The following RASGRF2 variants were observed in gnomAD, a reference collection of about 807,000 sequenced individuals.
RASGRF2 encodes the protein ras-specific guanine nucleotide-releasing factor 2.
A neutral mutation model predicts 151.0 loss-of-function variants in RASGRF2; 76 were observed. The ratio of observed to expected loss-of-function variants is 0.50; its 90% CI spans 0.42 to 0.61. RASGRF2 has a LOEUF of 0.61. Ranked by LOEUF, RASGRF2 falls within the 20% of genes least tolerant of loss-of-function variation. The pLI, the probability that RASGRF2 is intolerant of heterozygous loss-of-function variation, is 0.00. For missense variants in RASGRF2, 1,148 were observed against 1,564.6 expected, an observed-to-expected ratio of 0.73 and a Z score of 4.49; for synonymous variants, 504 against 566.5, an observed-to-expected ratio of 0.89 and a Z score of 1.57.
intron 18 of RASGRF2, among the ~76,000 whole-genome samples, chr5:81,196,056 C>T (rs1224953348): frequency 6.6e-6 from 1 of 152,172 alleles, no homozygotes; most frequent in Non-Finnish European, 1.5e-5. Context: ...GTCAGGAGTT[C>T]GAGACCAGCC....
Position 81,182,994 on chromosome 5 carries a change from G to T in RASGRF2, c.2793+2713G>T, listed in dbSNP as rs113388015. Among the ~76,000 whole-genome samples the T allele has an allele frequency of 2.2e-3, 328 of 152,332 alleles. 3 individuals are homozygous for T. The highest frequency in any genetic ancestry group is 3.1e-3 in the Non-Finnish European group (210 of 68,024). ...ATAAAGCGAAGGGCTTGGATACGAT[G>T]ATTTTTAATTATCTGATTCACTTTG... On this transcript the variant is annotated intron_variant, in intron 18 of 26. Coordinates refer to ENST00000265080, the MANE Select transcript of RASGRF2 (RefSeq NM_006909.3).
intron 1 of RASGRF2, among the ~76,000 whole-genome samples, chr5:81,036,868 A>G (rs1750516210): frequency 6.6e-6 from 1 of 152,144 alleles, no homozygotes; most frequent in Non-Finnish European, 1.5e-5. Context: ...GAATACATAC[A>G]AGGACTTCCT....
intron 17 of RASGRF2, among the ~76,000 whole-genome samples, chr5:81,162,625 C>T (rs761359951): frequency 2.0e-5 from 3 of 152,246 alleles, no homozygotes; most frequent in East Asian, 1.9e-4. Context: ...GGATTACAGG[C>T]GTGAGCCAGC....
At chr5:80,982,543 T>G (rs1748335177) in intron 1 of RASGRF2, among the ~76,000 whole-genome samples, 1 of 146,938 alleles carries the variant, frequency 6.8e-6, no homozygotes, top group Admixed American at 6.8e-5. Flanking sequence ...GATAGAGCTG[T>G]GTGGCTGGGG....
At position 81,192,544 on chromosome 5, in the gene RASGRF2, G is replaced by A. The variant is rs571876200; in HGVS notation, c.2794-8786G>A. 2.0e-3 allele frequency among the ~76,000 whole-genome samples: 300 copies of A among 152,328 alleles called. 3 individuals carry two copies. Among genetic ancestry groups the A allele is most frequent in the African/African-American group, 6.5e-3 (269 of 41,566 alleles). ...CCTGTTGCCCCAAGGTGGCGCCGAC[G>A]CAGGCAGGCCAGCGGTGGTGGCCGG... On this transcript the variant is annotated intron_variant, in intron 18 of 26. Coordinates refer to ENST00000265080, the MANE Select transcript of RASGRF2 (RefSeq NM_006909.3).
rs1324998890 is a variant in RASGRF2 at position 81,123,756 on chromosome 5, G to A, written c.2585G>A (p.Arg862Gln). ...TCAACTCCTCGGCACCTCCGCTATC[G>A]ACAGCCTGGAGGTAAGAGCTCAAGA... ...SPSTPRHLRYRQPGGQTADNA... is the reference protein window; with the variant it reads ...SPSTPRHLRYQQPGGQTADNA... The change falls in exon 16 of 27, where the codon CGA (arginine) becomes CAA (glutamine). Residue 862 changes from arginine (R) to glutamine (Q), a missense_variant. Arg to Gln is a conservative substitution (Grantham distance 43, BLOSUM62 1). Coordinates refer to ENST00000265080, the MANE Select transcript of RASGRF2 (RefSeq NM_006909.3). 5.0e-6 allele frequency: 8 copies of A among 1,613,610 alleles called. No individual in the cohort carries two copies. Among genetic ancestry groups the A allele is most frequent in the East Asian group, 2.2e-5 (1 of 44,878 alleles).
At chr5:81,116,852 A>G (rs1320313262) in intron 15 of RASGRF2, among the ~76,000 whole-genome samples, 1 of 152,224 alleles carries the variant, frequency 6.6e-6, no homozygotes, top group Admixed American at 6.5e-5. Flanking sequence ...ACCATATGAT[A>G]GCATGTGATA....
intron 17 of RASGRF2, among the ~76,000 whole-genome samples, chr5:81,136,950 C>T (rs754055466): frequency 1.3e-5 from 2 of 151,898 alleles, no homozygotes; most frequent in Non-Finnish European, 2.9e-5. Flanking sequence ...TTATGTCTAG[C>T]ATTTTCCTTT....
chr5:81,073,436 A>T lies in RASGRF2; in HGVS notation c.871A>T (p.Ser291Cys). ...KPPISHDDVS[S>C]IFLNSETIMF... ...CCCCATCAGCCACGACGACGTCAGC[A>T]GTATTTTTCTTAACAGGTTTGACAT... The change falls in exon 5 of 27, where the codon AGT becomes TGT. Residue 291 changes from serine (S) to cysteine (C), a missense_variant. Ser to Cys is a moderately radical substitution (Grantham distance 112). This residue lies in a region of RASGRF2 where 176 missense variants were observed against 309.6 expected (regional missense o/e 0.57). Transcript: ENST00000265080. The T allele has an allele frequency of 6.2e-7, 1 of 1,614,110 alleles. No individual in the cohort carries two copies. The highest frequency in any genetic ancestry group is 8.5e-7 in the Non-Finnish European group (1 of 1,180,018).
chr5:81,173,502 A>G (rs1247649178), intron 17 of RASGRF2, among the ~76,000 whole-genome samples: 1 of 152,224 alleles, frequency 6.6e-6, no homozygotes, highest in Admixed American at 6.5e-5. Context: ...CCTAACTGTT[A>G]TCCTAACTCA....
chr5:81,182,516 T>A (rs892970989), intron 18 of RASGRF2, among the ~76,000 whole-genome samples: 6 of 152,212 alleles, frequency 3.9e-5, no homozygotes, highest in African/African-American at 1.4e-4. Context: ...TTTTGCTGGC[T>A]TTAGTGTCCA....
intron 17 of RASGRF2, among the ~76,000 whole-genome samples, chr5:81,178,588 G>A (rs1754836021): frequency 6.6e-6 from 1 of 152,134 alleles, no homozygotes; most frequent in Non-Finnish European, 1.5e-5. Flanking sequence ...GATTTCCTAG[G>A]GAGCGATTAT....
intron 1 of RASGRF2, among the ~76,000 whole-genome samples, chr5:80,977,219 C>T (rs1748148456): frequency 1.3e-5 from 2 of 152,112 alleles, no homozygotes; most frequent in African/African-American, 4.8e-5. Flanking sequence ...CGGAAGGAGC[C>T]ATGGCATTCC....
At position 81,070,594 on chromosome 5, in the gene RASGRF2, G is replaced by A; in HGVS notation, c.633+13G>A. On this transcript the variant is annotated intron_variant, in intron 4 of 26. Coordinates refer to ENST00000265080, the MANE Select transcript of RASGRF2 (RefSeq NM_006909.3). Reference sequence around the variant, plus strand: ...GAAGATTAAAAAGGTAGGGCCTGGAGGTTTCCAGCTTTGTAGGAGCATGGT... The same window carrying A: ...GAAGATTAAAAAGGTAGGGCCTGGAAGTTTCCAGCTTTGTAGGAGCATGGT... The A allele has an allele frequency of 6.3e-7, 1 of 1,577,914 alleles. No individual in the cohort carries two copies. Among genetic ancestry groups the A allele is most frequent in the Middle Eastern group, 1.7e-4 (1 of 5,986 alleles).
chr5:81,033,664 C>G (rs561824965), intron 1 of RASGRF2, among the ~76,000 whole-genome samples: 2 of 152,030 alleles, frequency 1.3e-5, no homozygotes, highest in South Asian at 4.2e-4. Context: ...GGATTAAAGA[C>G]TTAAATGTTA....
intron 12 of RASGRF2, among the ~76,000 whole-genome samples, chr5:81,107,315 T>C (rs1046417072): frequency 6.6e-6 from 1 of 152,098 alleles, no homozygotes; most frequent in African/African-American, 2.4e-5. Context: ...TGAGCTATGA[T>C]TGTGTCACTG....
At chr5:81,099,211 G>A (rs1752627440) in intron 12 of RASGRF2, among the ~76,000 whole-genome samples, 1 of 152,122 alleles carries the variant, frequency 6.6e-6, no homozygotes, top group South Asian at 2.1e-4. Flanking sequence ...TGTACAGTTT[G>A]CCTCTCAGTG....
chr5:81,018,040 CA>C (rs1749698209), intron 1 of RASGRF2, among the ~76,000 whole-genome samples: 1 of 151,810 alleles, frequency 6.6e-6, no homozygotes, highest in African/African-American at 2.4e-5. Context: ...ACCTGGGAGG[CA>C]GCAGTTGCAG....
At chr5:81,111,195 G>A (rs1392495643) in intron 13 of RASGRF2, among the ~76,000 whole-genome samples, 1 of 152,174 alleles carries the variant, frequency 6.6e-6, no homozygotes, top group Non-Finnish European at 1.5e-5. Flanking sequence ...CTCACTGAAC[G>A]TCACTGACCC....
Sources: gnomAD v4.1 joint callset for allele counts (sites outside exome capture counted in the v4.1 genomes callset) on GRCh38, gnomAD v4.1.1 for gene constraint, gnomAD v4.1.1 regional missense constraint, MANE v1.5 for transcripts, NCBI Gene and HGNC (gene_info 2026-07-23, HGNC 2026-07-21) for gene names.